SIAE: variants seen among roughly 807,000 people sequenced by gnomAD.
The protein encoded by SIAE is sialate O-acetylesterase.
In SIAE, 39 loss-of-function variants were observed where a neutral mutation model predicts 52.6. The ratio of observed to expected loss-of-function variants is 0.74; its 90% CI spans 0.57 to 0.97. The LOEUF (loss-of-function observed/expected upper bound fraction) is 0.97. SIAE is among the 50% of genes least tolerant of loss of function. SIAE has a pLI of 0.00. For missense variants in SIAE, 592 were observed against 662.1 expected (o/e 0.89, Z 1.16); for synonymous variants, 233 against 241.4 (o/e 0.97, Z 0.32).
chr11:124,675,396 G>C, upstream of SIAE: 1 of 1,611,574 alleles, frequency 6.2e-7, no homozygotes, highest in Non-Finnish European at 8.5e-7. Flanking sequence ...CCTATTTTGA[G>C]AGCCTTCTAG....
Position 124,660,682 on chromosome 11 carries a change from AAACAG to A in SIAE, c.346_350del (p.Leu116TrpfsTer7), listed in dbSNP as rs2134382536. 2 of 1,614,176 alleles carry A rather than the reference AAACAG, an allele frequency of 1.2e-6. No individual in the cohort carries two copies. The highest frequency in any genetic ancestry group is 3.3e-4 in the Middle Eastern group (2 of 6,062). On this transcript the variant is annotated frameshift_variant, in exon 3 of 10. Coordinates refer to ENST00000263593, the MANE Select transcript of SIAE (RefSeq NM_170601.5). LOFTEE classifies it high-confidence loss of function. ...GCCCACTACAGAGCCAGACATCTCC[AAACAG>A]GACGTCATGAACTCTCAGGGTGAAG... is the stretch of plus-strand genomic sequence containing the variant.
chr11:124,636,401 T>C lies in SIAE; in HGVS notation c.*550A>G, dbSNP rs1942740597. ...CACATAAGGAAAAACTTGGAAAGTT[T>C]TGAATGGAAAGTTCATAGAGAGATT... On this transcript the variant is annotated 3_prime_UTR_variant, in exon 10 of 10. Coordinates refer to ENST00000263593, the MANE Select transcript of SIAE (RefSeq NM_170601.5). The C allele has an allele frequency of 4.4e-5, 7 of 157,378 alleles. No individual in the cohort carries two copies. The South Asian group carries it at 1.1e-3, about 25-fold the overall frequency. 9.7% of individuals were successfully genotyped at this position (157,378 alleles called of 1,614,324 possible).
chr11:124,644,345 T>C (rs895641541), intron 7 of SIAE, among the ~76,000 whole-genome samples: 1 of 107,796 alleles, frequency 9.3e-6, no homozygotes, highest in Admixed American at 1.0e-4. Flanking sequence ...GGAAAGAGTC[T>C]GTGGTGAGAA....
Position 124,665,502 on chromosome 11 carries a change from G to T in SIAE, c.229+3858C>A, listed in dbSNP as rs534926862. On this transcript the variant is annotated intron_variant, in intron 2 of 9. Coordinates refer to ENST00000263593, the MANE Select transcript of SIAE (RefSeq NM_170601.5). The stretch of plus-strand genomic sequence containing the variant: ...ACTCGCACCTCCAGGTGGGAACGCA[G>T]CCTGGCCTACACCTTGATTTCAGCC... 6.6e-5 allele frequency among the ~76,000 whole-genome samples: 10 copies of T among 152,328 alleles called. No individual in the cohort carries two copies. The East Asian group carries it at 1.3e-3, about 21-fold the overall frequency.
chr11:124,673,768 G>A (rs759251957), upstream of SIAE: 281 of 1,582,758 alleles, frequency 1.8e-4, no homozygotes, highest in Non-Finnish European at 2.2e-4. Context: ...CAGGGGCGGG[G>A]CCTGGGCGGG....
intron 7 of SIAE, among the ~76,000 whole-genome samples, chr11:124,644,923 T>C (rs1224347535): frequency 1.3e-5 from 2 of 152,202 alleles, no homozygotes; most frequent in Admixed American, 6.5e-5. Flanking sequence ...CCAGTTCCTC[T>C]TTCCTTACAG....
intron 3 of SIAE, chr11:124,659,652 G>A (rs1201353872): frequency 2.7e-5 from 3 of 110,520 alleles, no homozygotes; most frequent in African/African-American, 1.0e-4. Flanking sequence ...AAAAAAAGGG[G>A]GGGGGGGGGC....
intron 2 of SIAE, among the ~76,000 whole-genome samples, chr11:124,661,544 C>G (rs1227557418): frequency 6.6e-6 from 1 of 152,140 alleles, no homozygotes; most frequent in Non-Finnish European, 1.5e-5. Flanking sequence ...AGCATATTCC[C>G]TAGAACCACC....
rs551936881 is a variant in SIAE at position 124,635,821 on chromosome 11, C to T, written c.*1130G>A. ...CTAGTGATTATGCTTTTATTTATTT[C>T]CAACTTCTTATAGGTAACATAATTT... On this transcript the variant is annotated 3_prime_UTR_variant, in exon 10 of 10. Transcript: ENST00000263593. The T allele has an allele frequency of 2.0e-5, 3 of 152,214 alleles. No individual in the cohort carries two copies. The highest frequency in any genetic ancestry group is 2.9e-5 in the Non-Finnish European group (2 of 67,996). 9.4% of individuals were successfully genotyped at this position (152,214 alleles called of 1,614,324 possible).
chr11:124,645,606 G>A lies in SIAE; in HGVS notation c.966+1759C>T, dbSNP rs1942921172. 6.6e-6 allele frequency among the ~76,000 whole-genome samples: 1 copy of A among 152,030 alleles called. No homozygotes were observed. Among genetic ancestry groups the A allele is most frequent in the African/African-American group, 2.4e-5 (1 of 41,376 alleles). On this transcript the variant is annotated intron_variant, in intron 7 of 9. Transcript: ENST00000263593. This position sits in a 1 kb window ranked among gnomAD's most constrained non-coding sequence, Gnocchi z 4.7. ...GTGAGCCACCAAGCCCGGCCTGATT[G>A]CTATATTTCTAGCACCTCACAAGAT...
At chr11:124,637,915 C>T (rs1172404249) in intron 9 of SIAE, among the ~76,000 whole-genome samples, 4 of 152,198 alleles carry the variant, frequency 2.6e-5, no homozygotes, top group African/African-American at 9.7e-5. Context: ...ACACCCCTTC[C>T]CAACCTAAGG....
At chr11:124,673,366 T>G (rs532495805) in intron 1 of SIAE, among the ~76,000 whole-genome samples, 44 of 152,242 alleles carry the variant, frequency 2.9e-4, no homozygotes, top group Non-Finnish European at 6.0e-4. Flanking sequence ...CTGGGCACAT[T>G]TGGGCCTCCC....
intron 1 of SIAE, among the ~76,000 whole-genome samples, chr11:124,671,452 GC>G (rs1355481972): frequency 1.3e-5 from 2 of 152,148 alleles, no homozygotes; most frequent in Admixed American, 6.5e-5. Flanking sequence ...CAGGCACAGT[GC>G]TAAACACACC....
intron 4 of SIAE, 102 bp downstream of exon 4, chr11:124,654,553 G>A (rs1362169340): frequency 5.6e-6 from 9 of 1,607,888 alleles, no homozygotes; most frequent in Non-Finnish European, 7.6e-6. Flanking sequence ...AAAGGCATGA[G>A]TAATAATAAA....
chr11:124,636,574 T>C lies in SIAE; in HGVS notation c.*377A>G. 1 of 311,922 alleles carries C rather than the reference T, an allele frequency of 3.2e-6. No individual in the cohort carries two copies. 19.3% of individuals were successfully genotyped at this position (311,922 alleles called of 1,614,324 possible). ...AATTTTATAAAGAACACATGAACAC[T>C]AGCTGGCCTATGTGGCCTTTAAAAT... On this transcript the variant is annotated 3_prime_UTR_variant, in exon 10 of 10. Coordinates refer to ENST00000263593, the MANE Select transcript of SIAE (RefSeq NM_170601.5).
intron 7 of SIAE, among the ~76,000 whole-genome samples, chr11:124,640,916 G>A (rs946450565): frequency 6.6e-6 from 1 of 152,148 alleles, no homozygotes; most frequent in Non-Finnish European, 1.5e-5. Context: ...GAGCGCCCCT[G>A]CTGACCCACA....
Position 124,671,865 on chromosome 11 carries a change from G to A in SIAE, c.67+1777C>T, listed in dbSNP as rs142207622. Among the ~76,000 whole-genome samples, 730 of 152,092 alleles carry A rather than the reference G, an allele frequency of 4.8e-3. 20 individuals are homozygous for A. The East Asian group carries it at 0.092, about 19-fold the overall frequency. On this transcript the variant is annotated intron_variant, in intron 1 of 9. Transcript: ENST00000263593. ...CAACCTCCGCCTCTGGGGTTCAAGC[G>A]GTTCTCCTGCCTCAGCCTCCCGAGT... is the stretch of plus-strand genomic sequence containing the variant.
chr11:124,658,060 C>T lies in SIAE; in HGVS notation c.405+2568G>A, dbSNP rs76658495. On this transcript the variant is annotated intron_variant, in intron 3 of 9. Coordinates refer to ENST00000263593, the MANE Select transcript of SIAE (RefSeq NM_170601.5). ...CACCACAGACGCTGGGAGAGAGCAC[C>T]GCTGCCTCTCTAGGGACTGGACCGT... Among the ~76,000 whole-genome samples the T allele has an allele frequency of 5.2e-3, 784 of 152,218 alleles. 1 individual carries two copies. The highest frequency in any genetic ancestry group is 9.4e-3 in the Non-Finnish European group (636 of 68,020).
chr11:124,657,885 G>A (rs1422975931), intron 3 of SIAE, among the ~76,000 whole-genome samples: 1 of 152,216 alleles, frequency 6.6e-6, no homozygotes, highest in Non-Finnish European at 1.5e-5. Context: ...TCATTTAAAT[G>A]ACATTTGGTT....
Sources: gnomAD v4.1 joint callset for allele counts (sites outside exome capture counted in the v4.1 genomes callset) on GRCh38, gnomAD v4.1.1 for gene constraint, Gnocchi (gnomAD v3.1) non-coding constraint, MANE v1.5 for transcripts, NCBI Gene and HGNC (gene_info 2026-07-23, HGNC 2026-07-21) for gene names.